The following TMEM132D variants were observed in gnomAD, a reference collection of about 807,000 sequenced individuals.
TMEM132D encodes mature OL transmembrane protein.
A neutral mutation model predicts 62.3 loss-of-function variants in TMEM132D; 21 were observed. The observed-to-expected ratio is 0.34, with a 90% CI of 0.24 to 0.49. TMEM132D has a LOEUF of 0.49. Among genes scored for constraint, TMEM132D ranks in the 20% least tolerant of loss-of-function variants. TMEM132D has a pLI of 0.99. For synonymous variants in TMEM132D, 621 were observed against 575.6 expected (o/e 1.08, Z -1.13); for missense variants, 1,346 against 1,402.8 (o/e 0.96, Z 0.65).
At chr12:129,712,202 G>A (rs1048328494) in intron 1 of TMEM132D, among the ~76,000 whole-genome samples, 1 of 152,056 alleles carries the variant, frequency 6.6e-6, no homozygotes, top group African/African-American at 2.4e-5. Flanking sequence ...TCGGCTCACT[G>A]CAACATCTGC....
chr12:129,314,850 A>G (rs1868432662), intron 4 of TMEM132D, among the ~76,000 whole-genome samples: 3 of 151,834 alleles, frequency 2.0e-5, no homozygotes, highest in South Asian at 4.1e-4. Flanking sequence ...TTGGTTCAGT[A>G]TATTCCTAAG....
chr12:129,863,763 G>A (rs1366330910), intron 1 of TMEM132D, among the ~76,000 whole-genome samples: 2 of 152,076 alleles, frequency 1.3e-5, no homozygotes, highest in African/African-American at 2.4e-5. Flanking sequence ...AGAACATCTA[G>A]GTATTGTTTG....
intron 3 of TMEM132D, among the ~76,000 whole-genome samples, chr12:129,341,337 A>C (rs1461506379): frequency 1.3e-5 from 2 of 152,252 alleles, no homozygotes; most frequent in African/African-American, 4.8e-5. Flanking sequence ...TTGGTTAAAG[A>C]GAAGTTTATA....
intron 5 of TMEM132D, among the ~76,000 whole-genome samples, chr12:129,087,567 C>T (rs1023616271): frequency 4.6e-5 from 7 of 151,670 alleles, no homozygotes; most frequent in African/African-American, 1.2e-4. Context: ...AGAAACAAGA[C>T]GCTGGAAGAT....
In TMEM132D at chr12:129,209,636, G is replaced by A; in HGVS notation, c.1327C>T (p.Leu443Phe). The A allele has an allele frequency of 1.2e-6, 2 of 1,614,186 alleles. No homozygotes were observed. Among genetic ancestry groups the A allele is most frequent in the South Asian group, 2.2e-5 (2 of 91,076 alleles). Residue 443 changes from leucine (L) to phenylalanine (F), a missense_variant, in exon 5 of 9, where the codon CTC (leucine) becomes TTC (phenylalanine). Coordinates refer to ENST00000422113, the MANE Select transcript of TMEM132D (RefSeq NM_133448.3). ...GGGACGGCCACCGTCTTCCCCGTGA[G>A]GATGGCTGTGTTCAGGATTTCTGCC... is the stretch of plus-strand genomic sequence containing the variant. ...MEAEILNTAI[L>F]TGKTVAVPVK... is the part of the protein sequence containing the mutation.
At chr12:129,349,481 A>C (rs112920449) in intron 3 of TMEM132D, among the ~76,000 whole-genome samples, 2,239 of 152,222 alleles carry the variant, frequency 0.015, 54 homozygotes, top group African/African-American at 0.051. Context: ...CATTTGCATG[A>C]CTCTACTCAT....
intron 1 of TMEM132D, among the ~76,000 whole-genome samples, chr12:129,816,140 TA>T (rs1248414907): frequency 1.3e-5 from 2 of 151,970 alleles, no homozygotes; most frequent in Non-Finnish European, 2.9e-5. Context: ...AGTCGGGGTG[TA>T]AAAAAAATTT....
At chr12:129,877,443 T>C (rs1012317536) in intron 1 of TMEM132D, among the ~76,000 whole-genome samples, 3 of 152,152 alleles carry the variant, frequency 2.0e-5, no homozygotes, top group Admixed American at 2.0e-4. Flanking sequence ...CCCATTCCTA[T>C]TTGTTCAGCT....
rs1292881205 is a variant in TMEM132D at position 129,081,900 on chromosome 12, C to G, written c.1782G>C (p.Leu594=). ...GCCAGTCTGAGCCCAGCAGGTGGGC[C>G]AGGTGTCCCCCAGGGCCGGCCGCCT... ...VAEAAGPGGH[L]AHLLGSDWQV... The change falls in exon 7 of 9, where the codon CTG becomes CTC. Residue 594 remains leucine, a synonymous_variant. Coordinates refer to ENST00000422113, the MANE Select transcript of TMEM132D (RefSeq NM_133448.3). 3 of 1,614,088 alleles carry G rather than the reference C, an allele frequency of 1.9e-6. No individual in the cohort carries two copies. Among genetic ancestry groups the G allele is most frequent in the Non-Finnish European group, 2.5e-6 (3 of 1,180,036 alleles).
chr12:129,296,293 A>G (rs945895608), intron 4 of TMEM132D, among the ~76,000 whole-genome samples: 1 of 152,188 alleles, frequency 6.6e-6, no homozygotes, highest in Non-Finnish European at 1.5e-5. Context: ...AAACCTCCCA[A>G]TGTCATTATG....
intron 3 of TMEM132D, among the ~76,000 whole-genome samples, chr12:129,389,725 TGTATGTG>T (rs1293579162): frequency 6.6e-6 from 1 of 152,226 alleles, no homozygotes; most frequent in African/African-American, 2.4e-5. Context: ...GACCCTTTCC[TGTATGTG>T]GTCTAGGGCT....
At chr12:129,191,292 G>GACACACACAC (rs56128227) in intron 5 of TMEM132D, among the ~76,000 whole-genome samples, 4,235 of 145,172 alleles carry the variant, frequency 0.029, 93 homozygotes, top group African/African-American at 0.039. Flanking sequence ...AGGGAAATAG[G>GACACACACAC]ACACACACAC....
intron 1 of TMEM132D, among the ~76,000 whole-genome samples, chr12:129,744,392 A>G (rs1869707184): frequency 6.6e-6 from 1 of 152,178 alleles, no homozygotes; most frequent in Admixed American, 6.5e-5. Context: ...TTAGTTATTA[A>G]AAGTGGGTGT....
At chr12:129,866,293 G>C (rs1226983317) in intron 1 of TMEM132D, among the ~76,000 whole-genome samples, 1 of 152,098 alleles carries the variant, frequency 6.6e-6, no homozygotes, top group East Asian at 1.9e-4. Context: ...GTCCTTTGTA[G>C]GGTCATGGAT....
chr12:129,298,635 C>G (rs1881633389), intron 4 of TMEM132D, among the ~76,000 whole-genome samples: 6 of 152,190 alleles, frequency 3.9e-5, no homozygotes, highest in Admixed American at 3.9e-4. Flanking sequence ...TGTCTGGCTC[C>G]CCTATTTCTG....
chr12:129,570,364 GTAGTTT>G lies in TMEM132D; in HGVS notation c.969-39165_969-39160del, dbSNP rs1877478502. On this transcript the variant is annotated intron_variant, in intron 2 of 8. Coordinates refer to ENST00000422113, the MANE Select transcript of TMEM132D (RefSeq NM_133448.3). Reference sequence around the variant, plus strand: ...GTGCCACAAGGACATCTACCTTCATGTAGTTTCATTCAAATAGATAGCCTGAGACAA... The same window carrying G: ...GTGCCACAAGGACATCTACCTTCATGCATTCAAATAGATAGCCTGAGACAA... 3.3e-5 allele frequency among the ~76,000 whole-genome samples: 5 copies of G among 152,190 alleles called. No individual in the cohort carries two copies. The South Asian group carries it at 1.0e-3, about 31-fold the overall frequency.
chr12:129,183,616 G>A (rs1291643654), intron 5 of TMEM132D, among the ~76,000 whole-genome samples: 12 of 152,230 alleles, frequency 7.9e-5, no homozygotes, highest in African/African-American at 1.9e-4. Context: ...CATTTGTTGC[G>A]GCTACCTAAA....
chr12:129,840,239 G>A (rs979424120), intron 1 of TMEM132D: 5 of 152,130 alleles, frequency 3.3e-5, no homozygotes, highest in African/African-American at 9.7e-5. Context: ...GAAAGGTGTC[G>A]GCTGAAGCAT....
intron 3 of TMEM132D, among the ~76,000 whole-genome samples, chr12:129,389,637 G>A (rs1372800890): frequency 6.6e-6 from 1 of 152,176 alleles, no homozygotes; most frequent in East Asian, 1.9e-4. Context: ...CAACAATGCT[G>A]ACACCATGCC....
Sources: gnomAD v4.1 joint callset for allele counts (sites outside exome capture counted in the v4.1 genomes callset) on GRCh38, gnomAD v4.1.1 for gene constraint, MANE v1.5 for transcripts, NCBI Gene and HGNC (gene_info 2026-07-23, HGNC 2026-07-21) for gene names.